Variants in EPB41 observed in about 807,000 individuals in gnomAD.
EPB41 encodes the protein erythrocyte membrane protein band 4.1, also known as protein 4.1.
In EPB41, 65 loss-of-function variants were observed where a neutral mutation model predicts 108.0. The observed-to-expected ratio is 0.60, with a 90% CI of 0.49 to 0.74. The LOEUF (loss-of-function observed/expected upper bound fraction) is 0.74, where lower values mean the gene tolerates loss of function less well. Ranked by LOEUF, EPB41 falls within the 30% of genes least tolerant of loss-of-function variation. The pLI, the probability that EPB41 is intolerant of heterozygous loss-of-function variation, is 0.00. For synonymous variants in EPB41, 336 were observed against 358.9 expected (o/e 0.94, Z 0.72); for missense variants, 875 against 1,037.0 (o/e 0.84, Z 2.15).
intron 1 of EPB41, among the ~76,000 whole-genome samples, chr1:28,929,719 CG>C (rs1455094324): frequency 6.7e-6 from 1 of 149,974 alleles, no homozygotes; most frequent in Non-Finnish European, 1.5e-5. Flanking sequence ...TTAGTAGAGA[CG>C]GGGTTTATCC....
intron 1 of EPB41, among the ~76,000 whole-genome samples, chr1:28,977,477 A>C (rs772320150): frequency 2.0e-5 from 3 of 151,090 alleles, no homozygotes; most frequent in African/African-American, 7.3e-5. Flanking sequence ...TTGATACCAG[A>C]TGGGGTGTAA....
chr1:28,897,742 C>T lies in EPB41; in HGVS notation c.-8+10532C>T, dbSNP rs1013351325. On this transcript the variant is annotated intron_variant, in intron 1 of 16. Coordinates refer to the EPB41 transcript ENST00000347529. ...CCCATCACTCCCTCTCTCTTGCCCT[C>T]CTTTTCCTTGCCTTGAAAGTGAGAA... Among the ~76,000 whole-genome samples, 7 of 152,070 alleles carry T rather than the reference C, an allele frequency of 4.6e-5. No homozygotes were observed. In the East Asian group the frequency reaches 1.4e-3, roughly 29 times the overall value.
At chr1:28,955,381 C>G (rs1268845694) in intron 1 of EPB41, among the ~76,000 whole-genome samples, 1 of 150,894 alleles carries the variant, frequency 6.6e-6, no homozygotes, top group Non-Finnish European at 1.5e-5. Context: ...CTTACTTTGT[C>G]GCCAGGCTGG....
At chr1:29,034,102 A>G (rs559621929) in intron 9 of EPB41, among the ~76,000 whole-genome samples, 5 of 152,308 alleles carry the variant, frequency 3.3e-5, no homozygotes, top group East Asian at 3.9e-4. Flanking sequence ...AGCCTTAAAA[A>G]TCTTGGATAG....
At chr1:28,937,893 G>C (rs1557735419) in intron 1 of EPB41, among the ~76,000 whole-genome samples, 1 of 152,214 alleles carries the variant, frequency 6.6e-6, no homozygotes, top group Admixed American at 6.5e-5. Flanking sequence ...ACAGGGGTCT[G>C]TCTGGATTCA....
At chr1:28,949,496 A>G (rs986055669) in intron 1 of EPB41, among the ~76,000 whole-genome samples, 5 of 152,256 alleles carry the variant, frequency 3.3e-5, no homozygotes, top group Admixed American at 1.3e-4. Context: ...CAACAGATAG[A>G]TCTTTAAAAA....
chr1:28,921,961 T>TAC lies in EPB41; in HGVS notation c.-8+7196_-8+7197dup, dbSNP rs1553166521. On this transcript the variant is annotated intron_variant, in intron 1 of 20. Coordinates refer to ENST00000343067, the MANE Select transcript of EPB41 (RefSeq NM_001376013.1). ...TTTTATATATATATATATATATATA[T>TAC]ACACTTTTTTTTTGTTTTTTTTTTT... 1.3e-3 allele frequency among the ~76,000 whole-genome samples: 145 copies of TAC among 109,592 alleles called. 3 individuals carry two copies. The highest frequency in any genetic ancestry group is 9.8e-3 in the Middle Eastern group (2 of 204). The allele number at this position is 109,592 out of a possible 152,430, so 71.9% of individuals were successfully genotyped here.
At chr1:28,910,795 G>A (rs568866715), upstream of EPB41, among the ~76,000 whole-genome samples, 41 of 152,114 alleles carry the variant, frequency 2.7e-4, no homozygotes, top group Non-Finnish European at 4.7e-4. Flanking sequence ...TGCTCCAGGG[G>A]CTAACAGGCA....
chr1:28,968,979 C>T (rs1050889645), intron 1 of EPB41, among the ~76,000 whole-genome samples: 8 of 149,794 alleles, frequency 5.3e-5, no homozygotes, highest in African/African-American at 2.0e-4. Flanking sequence ...ACCCCCCACC[C>T]CCCAAAAAAA....
At chr1:28,897,234 A>G (rs1021091084) in intron 1 of EPB41, among the ~76,000 whole-genome samples, 1 of 151,966 alleles carries the variant, frequency 6.6e-6, no homozygotes. Context: ...TAGACCTACC[A>G]GTGTTACTGA....
intron 16 of EPB41, among the ~76,000 whole-genome samples, chr1:29,094,363 A>T (rs866770173): frequency 3.9e-5 from 6 of 152,054 alleles, no homozygotes; most frequent in African/African-American, 1.4e-4. Context: ...TGCAACCTCC[A>T]CTTTCCGAGT....
At chr1:29,051,347 C>T (rs1440323075) in intron 11 of EPB41, among the ~76,000 whole-genome samples, 1 of 151,626 alleles carries the variant, frequency 6.6e-6, no homozygotes, top group East Asian at 2.0e-4. Flanking sequence ...GATCTGCCCA[C>T]CTCGGCCTCC....
intron 1 of EPB41, among the ~76,000 whole-genome samples, chr1:28,977,440 A>G (rs1233066583): frequency 6.7e-6 from 1 of 149,116 alleles, no homozygotes; most frequent in Non-Finnish European, 1.5e-5. Flanking sequence ...AAATTAACAG[A>G]TGCACACTTT....
intron 1 of EPB41, among the ~76,000 whole-genome samples, chr1:28,924,273 A>G (rs1483749162): frequency 6.6e-6 from 1 of 152,254 alleles, no homozygotes; most frequent in Non-Finnish European, 1.5e-5. Context: ...TCATGCCTGT[A>G]ATCCCAACAC....
At chr1:29,087,077 A>G (rs192621197) in intron 16 of EPB41, among the ~76,000 whole-genome samples, 1 of 149,656 alleles carries the variant, frequency 6.7e-6, no homozygotes, top group South Asian at 2.1e-4. Context: ...GAGTAGCTGG[A>G]ACTACAGGCG....
At chr1:29,027,227 T>G (rs2096731017) in intron 7 of EPB41, among the ~76,000 whole-genome samples, 1 of 152,160 alleles carries the variant, frequency 6.6e-6, no homozygotes, top group African/African-American at 2.4e-5. Flanking sequence ...CTTACAGCCT[T>G]AAACTCAAGC....
chr1:28,949,271 A>T (rs2094607412), intron 1 of EPB41, among the ~76,000 whole-genome samples: 1 of 152,156 alleles, frequency 6.6e-6, no homozygotes, highest in African/African-American at 2.4e-5. Context: ...TAGTGAGATC[A>T]CATCTCCACA....
chr1:28,894,291 T>A (rs2090442169), intron 1 of EPB41, among the ~76,000 whole-genome samples: 1 of 152,220 alleles, frequency 6.6e-6, no homozygotes. Flanking sequence ...GCTCACTGAA[T>A]GTTTCCAAAG....
At chr1:28,955,527 T>A (rs760759192) in intron 1 of EPB41, among the ~76,000 whole-genome samples, 1 of 152,144 alleles carries the variant, frequency 6.6e-6, no homozygotes, top group African/African-American at 2.4e-5. Context: ...TATTTTTTAG[T>A]AGAGACGGAG....
Sources: allele counts gnomAD v4.1 joint callset (sites outside exome capture counted in the v4.1 genomes callset), GRCh38; gene constraint gnomAD v4.1.1; transcripts MANE v1.5; gene names NCBI Gene and HGNC (gene_info 2026-07-23, HGNC 2026-07-21).